NT5C1B: variants seen among roughly 807,000 people sequenced by gnomAD.
NT5C1B encodes the protein 5'-nucleotidase, cytosolic IB, also known as cytosolic 5'-nucleotidase 1B.
In NT5C1B, 44 loss-of-function variants were observed where a neutral mutation model predicts 57.8. That is an observed-to-expected ratio of 0.76 (90% CI 0.60 to 0.98). NT5C1B has a LOEUF of 0.98. Ranked by LOEUF, NT5C1B falls within the 50% of genes least tolerant of loss-of-function variation. The pLI is 0.00. For synonymous variants in NT5C1B, 284 were observed against 282.6 expected (o/e 1.00, Z -0.05); for missense variants, 742 against 719.5 (o/e 1.03, Z -0.36).
At chr2:18,577,085 C>A (rs1168317460) in intron 6 of NT5C1B, among the ~76,000 whole-genome samples, 190 bp from the exon 7 acceptor site, 1 of 152,086 alleles carries the variant, frequency 6.6e-6, no homozygotes, top group African/African-American at 2.4e-5. Flanking sequence ...ATTTAAAATT[C>A]CTCAACTATT....
exon 1 of NT5C1B, chr2:18,589,457 T>C: frequency 1.2e-6 from 2 of 1,614,138 alleles, no homozygotes; most frequent in Non-Finnish European, 1.7e-6. Context: ...GTTTGAGAGA[T>C]GTTTGACTCA....
intron 5 of NT5C1B, 21 bp from the exon 6 acceptor site, chr2:18,583,018 T>C (rs762656277): frequency 2.5e-6 from 4 of 1,610,160 alleles, no homozygotes; most frequent in Non-Finnish European, 3.4e-6. Flanking sequence ...CAAACATGAA[T>C]GTGTGTAAAG....
rs749534769 is a variant in NT5C1B, at chr2:18,563,921, T to C, written c.1528A>G (p.Lys510Glu). The C allele has an allele frequency of 4.3e-6, 7 of 1,614,150 alleles. No individual in the cohort carries two copies. In the Admixed American group the frequency reaches 6.7e-5, roughly 15 times the overall value. ...CGGATCTTCACCAAGATGGGACTTT[T>C]GGGGGCTCCAGCAAGGAAAAGAGCT... Residue 510 changes from lysine to glutamate, a missense_variant, in exon 9 of 9, where the codon AAA becomes GAA. Transcript: ENST00000304081.
chr2:18,571,377 C>A (rs75990587), intron 8 of NT5C1B, among the ~76,000 whole-genome samples: 1 of 151,678 alleles, frequency 6.6e-6, no homozygotes, highest in Non-Finnish European at 1.5e-5. Context: ...AATAAATAAT[C>A]GGACAGTAAG....
chr2:18,586,482 T>C, intron 2 of NT5C1B, 91 bp from the exon 3 acceptor site: 1 of 1,552,944 alleles, frequency 6.4e-7, no homozygotes, highest in Non-Finnish European at 8.7e-7. Flanking sequence ...TCAGGCTGAA[T>C]ATAGCAGCAC....
chr2:18,576,039 G>T, intron 8 of NT5C1B, 145 bp downstream of exon 8: 1 of 832,852 alleles, frequency 1.2e-6, no homozygotes. Context: ...ATGAAAGAAA[G>T]AGAGAAAGCT....
At chr2:18,577,390 C>T (rs1050905878) in intron 6 of NT5C1B, among the ~76,000 whole-genome samples, 35 of 140,758 alleles carry the variant, frequency 2.5e-4, no homozygotes, top group African/African-American at 9.0e-4. Context: ...CGCCACTGCA[C>T]TCCAGCCTGG....
chr2:18,572,372 G>A (rs1665284797), intron 8 of NT5C1B, among the ~76,000 whole-genome samples: 1 of 152,118 alleles, frequency 6.6e-6, no homozygotes, highest in Non-Finnish European at 1.5e-5. Flanking sequence ...TAATCCTTGT[G>A]GCCTTGGATT....
intron 8 of NT5C1B, among the ~76,000 whole-genome samples, chr2:18,565,294 G>A (rs1234343795): frequency 2.6e-5 from 4 of 151,986 alleles, no homozygotes; most frequent in South Asian, 4.1e-4. Flanking sequence ...TATATTATAT[G>A]ACCATTTGTG....
In NT5C1B at chr2:18,582,229, G is replaced by A. The variant is rs78627166; in HGVS notation, c.1021+639C>T. ...AAGTAAAACTCATAACTTATATCTC[G>A]ATTATTTGTAAATATGCCCAATTTA... On this transcript the variant is annotated intron_variant, in intron 6 of 8. Coordinates refer to ENST00000304081, the Ensembl canonical transcript of NT5C1B. Among the ~76,000 whole-genome samples, 498 of 152,218 alleles carry A rather than the reference G, an allele frequency of 3.3e-3. 2 individuals carry two copies. The highest frequency in any genetic ancestry group is 0.011 in the African/African-American group (466 of 41,526).
chr2:18,569,177 A>G (rs2148092840), intron 8 of NT5C1B, among the ~76,000 whole-genome samples: 1 of 152,358 alleles, frequency 6.6e-6, no homozygotes, highest in African/African-American at 2.4e-5. Context: ...CATTGACAAT[A>G]GACTGTGATT....
At chr2:18,576,648 T>C (rs935079393) in intron 7 of NT5C1B, 125 bp downstream of exon 7, 10 of 1,477,186 alleles carry the variant, frequency 6.8e-6, no homozygotes, top group Admixed American at 6.6e-5. Context: ...TGTTGCCCCA[T>C]GTGGAAAAAC....
At chr2:18,586,957 G>GT in intron 2 of NT5C1B, 1 of 1,613,882 alleles carries the variant, frequency 6.2e-7, no homozygotes, top group Non-Finnish European at 8.5e-7. Context: ...GTTGTCTGTG[G>GT]TTCCCCTCCA....
chr2:18,586,993 C>T (rs903320764), intron 2 of NT5C1B: 4 of 1,614,212 alleles, frequency 2.5e-6, no homozygotes, highest in Non-Finnish European at 3.4e-6. Flanking sequence ...TCTCTGCTCA[C>T]CCTCATCATG....
chr2:18,564,970 C>T (rs1326414215), intron 8 of NT5C1B, among the ~76,000 whole-genome samples: 1 of 152,134 alleles, frequency 6.6e-6, no homozygotes, highest in Non-Finnish European at 1.5e-5. Flanking sequence ...TATTATTCTT[C>T]ATAATGAGAA....
chr2:18,568,341 GT>G (rs1294372694), intron 8 of NT5C1B, among the ~76,000 whole-genome samples: 1 of 152,020 alleles, frequency 6.6e-6, no homozygotes, highest in Non-Finnish European at 1.5e-5. Flanking sequence ...ATAAAATATT[GT>G]TTTAAAAACT....
exon 1 of NT5C1B, chr2:18,589,444 T>C: frequency 1.2e-6 from 2 of 1,614,138 alleles, no homozygotes. Flanking sequence ...CTCACCTTTT[T>C]CTGTTTGAGA....
chr2:18,582,768 A>G, intron 6 of NT5C1B, 100 bp downstream of exon 6: 2 of 1,505,110 alleles, frequency 1.3e-6, no homozygotes, highest in East Asian at 2.3e-5. Flanking sequence ...TGTCAGTATC[A>G]AAGACACTGC....
chr2:18,584,072 A>G lies in NT5C1B; in HGVS notation c.891+16T>C. On this transcript the variant is annotated intron_variant, in intron 5 of 8. Transcript: ENST00000304081. The surrounding 1 kb of genome is among the most constrained non-coding windows in gnomAD (Gnocchi z 5.8). ...CATCGAGTGTCCTGGCGGGCCAAAG[A>G]CAGCTTGCAGAATACCTTGACGAAG... 6.2e-7 allele frequency: 1 copy of G among 1,614,172 alleles called. No homozygotes were observed. The highest frequency in any genetic ancestry group is 8.5e-7 in the Non-Finnish European group (1 of 1,180,032).
Sources: gnomAD v4.1 joint callset for allele counts (sites outside exome capture counted in the v4.1 genomes callset) on GRCh38, gnomAD v4.1.1 for gene constraint, Gnocchi (gnomAD v3.1) non-coding constraint, MANE v1.5 for transcripts, NCBI Gene and HGNC (gene_info 2026-07-23, HGNC 2026-07-21) for gene names.